Variants in SV2C observed in about 807,000 individuals in gnomAD.
The protein encoded by SV2C is solute carrier family 22 member B3.
In SV2C, 49 loss-of-function variants were observed where a neutral mutation model predicts 79.7. The ratio of observed to expected loss-of-function variants is 0.61; its 90% CI spans 0.49 to 0.78. SV2C has a LOEUF of 0.78. Among genes scored for constraint, SV2C ranks in the 30% least tolerant of loss-of-function variants. The pLI is 0.00. For synonymous variants in SV2C, 334 were observed against 333.2 expected (o/e 1.00, Z -0.03); for missense variants, 833 against 912.9 (o/e 0.91, Z 1.13).
At chr5:75,959,843 C>A in the SV2C span, among the ~76,000 whole-genome samples, 9 of 152,008 alleles carry the variant, frequency 5.9e-5, no homozygotes, top group Admixed American at 4.6e-4. Context: ...TAAGACCAGT[C>A]CTATTCACAA....
At chr5:76,083,685 G>T (rs1747071696) in intron 1 of SV2C, among the ~76,000 whole-genome samples, 173 bp downstream of exon 1, 2 of 152,254 alleles carry the variant, frequency 1.3e-5, no homozygotes, top group Admixed American at 6.5e-5. Context: ...CCGCTGCTTT[G>T]TAGGCGCCTT....
At chr5:75,931,262 G>T in the SV2C span, among the ~76,000 whole-genome samples, 1 of 152,182 alleles carries the variant, frequency 6.6e-6, no homozygotes, top group Non-Finnish European at 1.5e-5. Flanking sequence ...CCATTTGAAG[G>T]GATGTGAGCC....
the SV2C span, among the ~76,000 whole-genome samples, chr5:75,878,730 A>C: frequency 6.6e-6 from 1 of 152,212 alleles, no homozygotes; most frequent in Non-Finnish European, 1.5e-5. Context: ...GCCATACCAC[A>C]TACCATAGTG....
At chr5:76,006,776 C>G in the SV2C span, among the ~76,000 whole-genome samples, 1 of 144,118 alleles carries the variant, frequency 6.9e-6, no homozygotes, top group Non-Finnish European at 1.5e-5. Context: ...TACATTCCAG[C>G]CAAACTCTAT....
At chr5:76,186,489 C>T (rs1287306807) in intron 2 of SV2C, among the ~76,000 whole-genome samples, 2 of 152,072 alleles carry the variant, frequency 1.3e-5, no homozygotes, top group Non-Finnish European at 2.9e-5. Flanking sequence ...ATCAGGAGTT[C>T]GATCCCAGCC....
intron 2 of SV2C, among the ~76,000 whole-genome samples, chr5:76,166,889 T>C (rs1404047175): frequency 6.6e-6 from 1 of 152,202 alleles, no homozygotes; most frequent in African/African-American, 2.4e-5. Flanking sequence ...AGAGTCCTTC[T>C]CTTCAGAAAG....
At chr5:76,026,201 AACAC>A in the SV2C span, among the ~76,000 whole-genome samples, 2,820 of 140,092 alleles carry the variant, frequency 0.02, 31 homozygotes, top group African/African-American at 0.029. Flanking sequence ...CAAATTTACA[AACAC>A]ACACACACAC....
At chr5:75,921,283 C>T in the SV2C span, 3 of 1,484,018 alleles carry the variant, frequency 2.0e-6, no homozygotes, top group Non-Finnish European at 2.8e-6. Context: ...CCTTGCCATC[C>T]CACTTGTCAA....
intron 4 of SV2C, among the ~76,000 whole-genome samples, chr5:76,232,835 A>T (rs2112402878): frequency 7.0e-6 from 1 of 143,600 alleles, no homozygotes; most frequent in Admixed American, 6.6e-5. Flanking sequence ...TGTTTTGGTT[A>T]CTGTAGCCTT....
intron 2 of SV2C, among the ~76,000 whole-genome samples, chr5:76,147,251 CAGAA>C (rs1187682237): frequency 2.0e-5 from 3 of 152,118 alleles, no homozygotes; most frequent in Admixed American, 6.5e-5. Context: ...AAGAAAAAGT[CAGAA>C]AGAAGTCCTT....
At chr5:75,908,875 TA>T in the SV2C span, among the ~76,000 whole-genome samples, 7 of 152,230 alleles carry the variant, frequency 4.6e-5, no homozygotes, top group African/African-American at 1.7e-4. Flanking sequence ...TCGTGTATAA[TA>T]AACTCTTATG....
chr5:76,034,496 G>A, the SV2C span, among the ~76,000 whole-genome samples: 125 of 152,136 alleles, frequency 8.2e-4, no homozygotes, highest in Non-Finnish European at 1.4e-3. Flanking sequence ...TTCTGCATCT[G>A]TTGAGATAAT....
At chr5:76,087,180 A>T (rs1367377651) in intron 1 of SV2C, among the ~76,000 whole-genome samples, 1 of 152,218 alleles carries the variant, frequency 6.6e-6, no homozygotes, top group African/African-American at 2.4e-5. Flanking sequence ...ATGCCATTAG[A>T]TGTATGAATT....
At chr5:75,868,813 T>G in the SV2C span, among the ~76,000 whole-genome samples, 1 of 152,134 alleles carries the variant, frequency 6.6e-6, no homozygotes, top group Non-Finnish European at 1.5e-5. Context: ...CCACAATTCT[T>G]CCTACCCAAC....
chr5:76,150,502 A>G (rs1199352744), intron 2 of SV2C, among the ~76,000 whole-genome samples: 1 of 152,000 alleles, frequency 6.6e-6, no homozygotes, highest in East Asian at 1.9e-4. Context: ...ATTTGTAGTT[A>G]TGAGATGAGC....
At chr5:75,865,400 G>T in the SV2C span, among the ~76,000 whole-genome samples, 1 of 152,174 alleles carries the variant, frequency 6.6e-6, no homozygotes, top group East Asian at 1.9e-4. Flanking sequence ...TGACCAGCAG[G>T]AGAAGGAAAA....
At chr5:75,887,666 G>A in the SV2C span, among the ~76,000 whole-genome samples, 1 of 152,026 alleles carries the variant, frequency 6.6e-6, no homozygotes, top group Non-Finnish European at 1.5e-5. Flanking sequence ...GCACAAATAT[G>A]ATGCTCTGGA....
chr5:76,042,838 G>A, the SV2C span, among the ~76,000 whole-genome samples: 1 of 152,152 alleles, frequency 6.6e-6, no homozygotes, highest in Admixed American at 6.6e-5. Context: ...CCTTTCCACA[G>A]GTGATAGAGT....
At chr5:75,872,858 A>G in the SV2C span, among the ~76,000 whole-genome samples, 2 of 152,108 alleles carry the variant, frequency 1.3e-5, no homozygotes, top group Admixed American at 1.3e-4. Context: ...ATGTATACAT[A>G]TGTAACAAAC....
Sources: allele counts gnomAD v4.1 joint callset (sites outside exome capture counted in the v4.1 genomes callset), GRCh38; gene constraint gnomAD v4.1.1; transcripts MANE v1.5; gene names NCBI Gene and HGNC (gene_info 2026-07-23, HGNC 2026-07-21).